The following TLCD1 variants were observed in gnomAD, a reference collection of about 807,000 sequenced individuals.
TLCD1 encodes the protein TLC domain containing 1.
A neutral mutation model predicts 21.2 loss-of-function variants in TLCD1; 21 were observed. The ratio of observed to expected loss-of-function variants is 0.99; its 90% CI spans 0.70 to 1.42. The LOEUF (loss-of-function observed/expected upper bound fraction) is 1.42. Ranked by LOEUF, TLCD1 falls within the 40% of genes most tolerant of loss-of-function variation. The pLI is 0.00. For synonymous variants in TLCD1, 168 were observed against 134.8 expected, an observed-to-expected ratio of 1.25 and a Z score of -1.71; for missense variants, 344 against 330.3, an observed-to-expected ratio of 1.04 and a Z score of -0.32.
At position 28,724,899 on chromosome 17, in the gene TLCD1, G is replaced by C. The variant is rs1029540572; in HGVS notation, c.361-6C>G. On this transcript the variant is annotated splice_region_variant and splice_polypyrimidine_tract_variant and intron_variant, in intron 3 of 3. Coordinates refer to ENST00000292090, the MANE Select transcript of TLCD1 (RefSeq NM_138463.4). ...GAGAAGAAGGCACCCATGGCCTAGA[G>C]GGAAGAAAGAATAGGAGTTAGGGAA... 1.2e-6 allele frequency: 2 copies of C among 1,609,906 alleles called. No individual in the cohort carries two copies. Among genetic ancestry groups the C allele is most frequent in the Admixed American group, 1.7e-5 (1 of 59,372 alleles).
In TLCD1 at chr17:28,724,586, G is replaced by T; in HGVS notation, c.668C>A (p.Ser223Tyr). Residue 223 changes from serine to tyrosine, a missense_variant, in exon 4 of 4, where the codon TCC becomes TAC. Transcript: ENST00000292090. ...MLDVMIIIYF[S>Y]RLLRSDFCPE... Reference sequence around the variant, plus strand: ...GCAGAAGTCAGAGCGGAGGAGGCGGGAAAAGTAGATTATGATCATCACGTC... The same window carrying T: ...GCAGAAGTCAGAGCGGAGGAGGCGGTAAAAGTAGATTATGATCATCACGTC... The T allele has an allele frequency of 6.2e-7, 1 of 1,614,128 alleles. No individual in the cohort carries two copies. The highest frequency in any genetic ancestry group is 1.1e-5 in the South Asian group (1 of 91,072).
chr17:28,726,693 C>G (rs2034236482), upstream of TLCD1: 1 of 1,480,612 alleles, frequency 6.8e-7, no homozygotes, highest in Non-Finnish European at 9.2e-7. Context: ...ACAGTGGTCT[C>G]CGTGCAGACC....
rs757164893 is a variant in TLCD1 at position 28,725,292 on chromosome 17, C to T, written c.360+12G>A. 28 of 1,613,950 alleles carry T rather than the reference C, an allele frequency of 1.7e-5. No homozygotes were observed. The highest frequency in any genetic ancestry group is 1.7e-4 in the Middle Eastern group (1 of 6,048). The stretch of plus-strand genomic sequence containing the variant: ...CACCAGGCCTATACCACATAGTCTG[C>T]TTCTCTCTTACCATGACGTGATGGA... On this transcript the variant is annotated intron_variant, in intron 3 of 3. Coordinates refer to ENST00000292090, the MANE Select transcript of TLCD1 (RefSeq NM_138463.4).
At chr17:28,727,622 TTC>T (rs201508495), upstream of TLCD1, 5,327 of 150,472 alleles carry the variant, frequency 0.035, 116 homozygotes, top group South Asian at 0.067. Context: ...TTTTCTTTCT[TTC>T]TTTTTTTTTT....
In TLCD1 at chr17:28,725,301, T is replaced by C; in HGVS notation, c.360+3A>G. 1 of 1,614,088 alleles carries C rather than the reference T, an allele frequency of 6.2e-7. No individual in the cohort carries two copies. Among genetic ancestry groups the C allele is most frequent in the Non-Finnish European group, 8.5e-7 (1 of 1,179,984 alleles). ...TATACCACATAGTCTGCTTCTCTCT[T>C]ACCATGACGTGATGGACAAGGTATT... On this transcript the variant is annotated splice_donor_region_variant and intron_variant, in intron 3 of 3. Transcript: ENST00000292090.
upstream of TLCD1, chr17:28,726,901 G>C (rs1597801397): frequency 7.5e-7 from 1 of 1,329,292 alleles, no homozygotes; most frequent in Non-Finnish European, 1.0e-6. Context: ...CCGGCTCCCC[G>C]GAGGCTGGGC....
At position 28,725,761 on chromosome 17, in the gene TLCD1, G is replaced by C. The variant is rs561905829; in HGVS notation, c.194+143C>G. 1.5e-4 allele frequency: 196 copies of C among 1,266,362 alleles called. No individual in the cohort carries two copies. The Middle Eastern group carries it at 2.4e-3, about 15-fold the overall frequency. 78.4% of individuals were successfully genotyped at this position (1,266,362 alleles called of 1,614,324 possible). A position where few individuals can be genotyped will look rare whatever the true frequency, so the allele number is the denominator to read the frequency against. The stretch of plus-strand genomic sequence containing the variant: ...TCCCCTGGGGCCACTGCGGCTTTTG[G>C]TTGGATAGGATACCAAACGGGATCA... On this transcript the variant is annotated intron_variant, in intron 1 of 3. Coordinates refer to ENST00000292090, the MANE Select transcript of TLCD1 (RefSeq NM_138463.4).
intron 3 of TLCD1, 123 bp downstream of exon 3, chr17:28,725,181 A>T (rs775183072): frequency 9.8e-6 from 11 of 1,127,818 alleles, no homozygotes; most frequent in Admixed American, 2.1e-5. Flanking sequence ...CTAGCATAAG[A>T]AGTAGCACAC....
At chr17:28,726,242 GCTC>G, upstream of TLCD1, 3 of 1,294,676 alleles carry the variant, frequency 2.3e-6, no homozygotes, top group Non-Finnish European at 2.9e-6. Flanking sequence ...AGGCCCCTTG[GCTC>G]CTCCTCGCCC....
At position 28,726,018 on chromosome 17, in the gene TLCD1, C is replaced by G; in HGVS notation, c.80G>C (p.Cys27Ser). The G allele has an allele frequency of 6.3e-7, 1 of 1,598,770 alleles. No homozygotes were observed. The highest frequency in any genetic ancestry group is 1.1e-5 in the South Asian group (1 of 90,192). ...CACGTGCACGGGTAGGGGCAGGCGA[C>G]AGAGCGCGCGCCGGAGCGCCCGGAA... ...LTFRALRRAL[C>S]RLPLPVHVRA... is the part of the protein sequence containing the mutation. Residue 27 changes from cysteine to serine, a missense_variant, in exon 1 of 4, where the codon TGT becomes TCT. Transcript: ENST00000292090.
At chr17:28,725,876 C>T (rs1402127912) in intron 1 of TLCD1, 28 bp downstream of exon 1, 2 of 1,606,224 alleles carry the variant, frequency 1.2e-6, no homozygotes, top group Non-Finnish European at 1.7e-6. Flanking sequence ...ATCCCCTGGC[C>T]ACCTCATTTC....
Position 28,724,780 on chromosome 17 carries a change from T to A in TLCD1, c.474A>T (p.Lys158Asn). The A allele has an allele frequency of 6.2e-7, 1 of 1,614,080 alleles. No individual in the cohort carries two copies. The highest frequency in any genetic ancestry group is 1.1e-5 in the South Asian group (1 of 91,070). ...GGAGATGATCCTGGGCATTACTGAT[T>A]TTCATCATCATGCGAATGGTGAGGA... ...NIFLTIRMMM[K>N]ISNAQDHLLY... The change falls in exon 4 of 4, where the codon AAA becomes AAT. Residue 158 changes from lysine (K) to asparagine (N), a missense_variant. By Grantham distance (94) the Lys-to-Asn change is moderately conservative. Coordinates refer to ENST00000292090, the MANE Select transcript of TLCD1 (RefSeq NM_138463.4).
chr17:28,726,157 G>T lies in TLCD1; in HGVS notation c.-60C>A. 7.1e-7 allele frequency: 1 copy of T among 1,401,436 alleles called. No individual in the cohort carries two copies. The highest frequency in any genetic ancestry group is 9.2e-7 in the Non-Finnish European group (1 of 1,088,558). The allele number at this position is 1,401,436 out of a possible 1,614,324, so 86.8% of individuals were successfully genotyped here. On this transcript the variant is annotated 5_prime_UTR_variant, in exon 1 of 4. Coordinates refer to ENST00000292090, the MANE Select transcript of TLCD1 (RefSeq NM_138463.4). Reference sequence around the variant, plus strand: ...CTCCTAGGTCTGTTCTGGGAACCGGGATCCCTCTCGGGCCAGTCCAGGCCG... The same window carrying T: ...CTCCTAGGTCTGTTCTGGGAACCGGTATCCCTCTCGGGCCAGTCCAGGCCG...
chr17:28,725,165 A>G, intron 3 of TLCD1, 139 bp downstream of exon 3: 5 of 1,020,352 alleles, frequency 4.9e-6, no homozygotes, highest in Non-Finnish European at 7.2e-6. Context: ...GCCAACCTCC[A>G]GCATCCTAGC....
At chr17:28,725,798 G>T in intron 1 of TLCD1, 106 bp downstream of exon 1, 1 of 1,427,360 alleles carries the variant, frequency 7.0e-7, no homozygotes, top group East Asian at 2.5e-5. Context: ...GTGAGACTGC[G>T]TGGCCTCAGC....
At chr17:28,726,323 CG>C, upstream of TLCD1, 2 of 934,818 alleles carry the variant, frequency 2.1e-6, no homozygotes, top group African/African-American at 1.8e-5. Context: ...GCCCCCGCCC[CG>C]TCCGCCTGCC....
chr17:28,724,381 G>T lies in TLCD1; in HGVS notation c.*129C>A. 1.7e-6 allele frequency: 2 copies of T among 1,179,126 alleles called. No individual in the cohort carries two copies. Among genetic ancestry groups the T allele is most frequent in the Non-Finnish European group, 2.4e-6 (2 of 835,616 alleles). 73.0% of individuals were successfully genotyped at this position (1,179,126 alleles called of 1,614,324 possible). On this transcript the variant is annotated 3_prime_UTR_variant, in exon 4 of 4. Coordinates refer to ENST00000292090, the MANE Select transcript of TLCD1 (RefSeq NM_138463.4). ...AGTACTTTCATTAGTGTTTTCAATA[G>T]TGTGGGCGCAGGCTCAGAAGGTGGA... is the stretch of plus-strand genomic sequence containing the variant.
rs1567754336 is a variant in TLCD1, at chr17:28,724,574, CGGA to C, written c.677_679del (p.Leu226del). 1.9e-5 allele frequency: 31 copies of C among 1,614,040 alleles called. No homozygotes were observed. Among genetic ancestry groups the C allele is most frequent in the Non-Finnish European group, 2.6e-5 (31 of 1,180,018 alleles). ...GACATGCTCAGGGCAGAAGTCAGAG[CGGA>C]GGAGGCGGGAAAAGTAGATTATGAT... On this transcript the variant is annotated inframe_deletion, in exon 4 of 4. Transcript: ENST00000292090.
rs2034180532 is a variant in TLCD1, at chr17:28,724,633, C to G, written c.621G>C (p.Leu207=). Residue 207 remains leucine, a synonymous_variant, in exon 4 of 4, where the codon CTG becomes CTC. Transcript: ENST00000292090. ...CGTCCAGCATGAGCAGGATACCCAG[C>G]AGGAAGGTGCCCAGGGTCCTCTGGT... ...YVNQRTLGTF[L]LGILLMLDVM... 2 of 1,614,092 alleles carry G rather than the reference C, an allele frequency of 1.2e-6. No individual in the cohort carries two copies. Among genetic ancestry groups the G allele is most frequent in the Non-Finnish European group, 1.7e-6 (2 of 1,180,022 alleles).
Sources: gnomAD v4.1 joint callset for allele counts on GRCh38, gnomAD v4.1.1 for gene constraint, MANE v1.5 for transcripts, NCBI Gene and HGNC (gene_info 2026-07-23, HGNC 2026-07-21) for gene names.